The following PDE10A variants were observed in gnomAD, a reference collection of about 807,000 sequenced individuals.
PDE10A encodes cAMP and cAMP-inhibited cGMP 3',5'-cyclic phosphodiesterase 10A.
PDE10A carries 39 observed loss-of-function variants against 97.7 expected under a neutral mutation model. The ratio of observed to expected loss-of-function variants is 0.40; its 90% confidence interval spans 0.31 to 0.52. PDE10A has a LOEUF of 0.52. PDE10A is among the 20% of genes least tolerant of loss of function. The probability of loss-of-function intolerance (pLI) is 0.56; values close to 1 mark genes in which losing one functional copy is unlikely to be tolerated. For synonymous variants in PDE10A, 371 were observed against 376.8 expected, an observed-to-expected ratio of 0.98 and a Z score of 0.18; for missense variants, 731 against 1,047.8, an observed-to-expected ratio of 0.70 and a Z score of 4.17.
chr6:165,685,738 A>G (rs1791096912), intron 1 of PDE10A, among the ~76,000 whole-genome samples: 1 of 152,146 alleles, frequency 6.6e-6, no homozygotes, highest in Non-Finnish European at 1.5e-5. Flanking sequence ...GCCCAGCCAG[A>G]TGCTGGCAAA....
intron 1 of PDE10A, among the ~76,000 whole-genome samples, chr6:165,560,442 C>G (rs1784464159): frequency 6.6e-6 from 1 of 152,170 alleles, no homozygotes; most frequent in Non-Finnish European, 1.5e-5. Flanking sequence ...AACGCCAACA[C>G]CTTTATTTCA....
chr6:165,597,565 TA>T (rs2128391511), intron 1 of PDE10A, among the ~76,000 whole-genome samples: 1 of 152,250 alleles, frequency 6.6e-6, no homozygotes, highest in Admixed American at 6.5e-5. Flanking sequence ...ATGCGACCAA[TA>T]AATAGAAGGA....
intron 1 of PDE10A, among the ~76,000 whole-genome samples, chr6:165,874,350 T>G (rs1369369935): frequency 1.4e-5 from 2 of 147,704 alleles, no homozygotes; most frequent in Admixed American, 6.9e-5. Context: ...ACTCATATGG[T>G]GGAAGAGAAC....
At chr6:165,972,362 C>T (rs1784707113) in intron 1 of PDE10A, among the ~76,000 whole-genome samples, 2 of 152,166 alleles carry the variant, frequency 1.3e-5, no homozygotes, top group South Asian at 4.2e-4. Context: ...TGGCCACGGG[C>T]ACCCAGTATG....
chr6:165,535,856 T>C (rs962926383), intron 2 of PDE10A, among the ~76,000 whole-genome samples: 2 of 151,946 alleles, frequency 1.3e-5, no homozygotes, highest in Non-Finnish European at 2.9e-5. Context: ...TGTTCATGGA[T>C]TGGAAGAATA....
rs191922354 is a variant in PDE10A at position 165,419,516 on chromosome 6, A to G, written c.1654-739T>C. ...TACATGAATAGTAAATGGTAGCAGTATTTGAACTGATACTAGCTGTTCCCA... is the reference window on the plus strand; with the variant it reads ...TACATGAATAGTAAATGGTAGCAGTGTTTGAACTGATACTAGCTGTTCCCA... On this transcript the variant is annotated intron_variant, in intron 10 of 21. Coordinates refer to ENST00000539869, the MANE Select transcript of PDE10A (RefSeq NM_001385079.1). Among the ~76,000 whole-genome samples, 9 of 152,328 alleles carry G rather than the reference A, an allele frequency of 5.9e-5. No individual in the cohort carries two copies. In the East Asian group the frequency reaches 1.7e-3, roughly 29 times the overall value.
chr6:165,607,038 T>C (rs1168324768), intron 1 of PDE10A, among the ~76,000 whole-genome samples: 1 of 152,242 alleles, frequency 6.6e-6, no homozygotes, highest in Non-Finnish European at 1.5e-5. Flanking sequence ...TGTCATGTTT[T>C]ATCTATTTTC....
At chr6:165,518,393 G>A (rs1781940320) in intron 2 of PDE10A, among the ~76,000 whole-genome samples, 1 of 152,146 alleles carries the variant, frequency 6.6e-6, no homozygotes, top group Admixed American at 6.5e-5. Context: ...ACCATTCCGA[G>A]TAGTTATGAT....
intron 2 of PDE10A, among the ~76,000 whole-genome samples, chr6:165,526,762 C>CTAAGGCAT: frequency 6.6e-6 from 1 of 152,316 alleles, no homozygotes; most frequent in South Asian, 2.1e-4. Flanking sequence ...GGTATGCAGC[C>CTAAGGCAT]ACTGACTTAG....
chr6:165,507,511 C>A lies in PDE10A; in HGVS notation c.995-25168G>T, dbSNP rs761726937. ...GGAAGACAGACACCCCAGTATCCAA[C>A]TACACCAAGCCCAAGTCCAGTAAGT... On this transcript the variant is annotated intron_variant, in intron 2 of 21. Coordinates refer to ENST00000539869, the MANE Select transcript of PDE10A (RefSeq NM_001385079.1). Among the ~76,000 whole-genome samples, 6 of 152,216 alleles carry A rather than the reference C, an allele frequency of 3.9e-5. No individual in the cohort carries two copies. The East Asian group carries it at 9.6e-4, about 24-fold the overall frequency.
intron 1 of PDE10A, among the ~76,000 whole-genome samples, chr6:165,884,100 C>T (rs1038558256): frequency 3.9e-5 from 6 of 152,076 alleles, no homozygotes; most frequent in African/African-American, 9.6e-5. Context: ...AGGAGGGAGG[C>T]GTGTTTAAAC....
chr6:165,516,406 A>G (rs541676985), intron 2 of PDE10A, among the ~76,000 whole-genome samples: 5 of 152,336 alleles, frequency 3.3e-5, no homozygotes, highest in Non-Finnish European at 7.4e-5. Flanking sequence ...TATTCTTAAT[A>G]TATGAGTCAT....
intron 2 of PDE10A, among the ~76,000 whole-genome samples, chr6:165,488,676 T>G (rs1291842463): frequency 1.3e-5 from 2 of 152,118 alleles, no homozygotes; most frequent in Admixed American, 6.5e-5. Flanking sequence ...CTTTCTCAGA[T>G]GGAGGCTTGT....
intron 1 of PDE10A, among the ~76,000 whole-genome samples, chr6:165,798,915 C>T (rs1345810772): frequency 6.6e-6 from 1 of 152,136 alleles, no homozygotes; most frequent in Admixed American, 6.5e-5. Flanking sequence ...ACCATGTTGG[C>T]CAGGCTGGTC....
chr6:165,952,211 C>T (rs1482024999), intron 1 of PDE10A, among the ~76,000 whole-genome samples: 1 of 152,254 alleles, frequency 6.6e-6, no homozygotes, highest in African/African-American at 2.4e-5. Flanking sequence ...ACCAGCAGCC[C>T]CCATGGCCTC....
intron 6 of PDE10A, among the ~76,000 whole-genome samples, chr6:165,434,376 T>G (rs142331868): frequency 3.3e-5 from 5 of 151,892 alleles, no homozygotes; most frequent in African/African-American, 4.8e-5. Flanking sequence ...CCAGGTTTCA[T>G]GGCTCCTATT....
intron 1 of PDE10A, among the ~76,000 whole-genome samples, chr6:165,947,957 T>G (rs1399876335): frequency 1.3e-5 from 2 of 151,976 alleles, no homozygotes; most frequent in Non-Finnish European, 2.9e-5. Flanking sequence ...TTCTGCTTTA[T>G]TTTCAGAATA....
chr6:165,386,113 T>C (rs182822711), intron 17 of PDE10A, among the ~76,000 whole-genome samples: 2 of 152,238 alleles, frequency 1.3e-5, no homozygotes, highest in African/African-American at 2.4e-5. Context: ...CTGATCTGTT[T>C]TTAGGAACAC....
At chr6:165,755,980 C>T (rs540273609) in intron 1 of PDE10A, among the ~76,000 whole-genome samples, 1 of 152,216 alleles carries the variant, frequency 6.6e-6, no homozygotes, top group South Asian at 2.1e-4. Flanking sequence ...GGCAGGTTCC[C>T]GGGAAGACAC....
Sources: allele counts gnomAD v4.1 joint callset (sites outside exome capture counted in the v4.1 genomes callset), GRCh38; gene constraint gnomAD v4.1.1; transcripts MANE v1.5; gene names NCBI Gene and HGNC (gene_info 2026-07-23, HGNC 2026-07-21).